The following MST1R variants were observed in gnomAD, a reference collection of about 807,000 sequenced individuals.
MST1R encodes macrophage-stimulating protein receptor.
In MST1R, 99 loss-of-function variants were observed where a neutral mutation model predicts 117.8. That is an observed-to-expected ratio of 0.84 (90% confidence interval 0.71 to 0.99). The LOEUF is 0.99. Among genes scored for constraint, MST1R ranks in the 50% least tolerant of loss-of-function variants. MST1R has a pLI of 0.00. For synonymous variants in MST1R, 734 were observed against 765.3 expected (o/e 0.96, Z 0.68); for missense variants, 1,683 against 1,840.2 (o/e 0.91, Z 1.56).
chr3:49,895,338 A>C lies in MST1R; in HGVS notation c.3100T>G (p.Cys1034Gly). The change falls in exon 14 of 20, where the codon TGT becomes GGT. Residue 1034 changes from cysteine (C) to glycine (G), a missense_variant. Coordinates refer to ENST00000296474, the MANE Select transcript of MST1R (RefSeq NM_002447.4). Reference protein sequence around the residue: ...PAIDGLDSTTCVHGASFSDSE... With the variant: ...PAIDGLDSTTGVHGASFSDSE... ...TCGGAGAAGGATGCTCCATGGACAC[A>C]AGTGGTGGAATCCAGACCATCAATG... 1 of 1,614,226 alleles carries C rather than the reference A, an allele frequency of 6.2e-7. No homozygotes were observed. Among genetic ancestry groups the C allele is most frequent in the Non-Finnish European group, 8.5e-7 (1 of 1,180,044 alleles).
chr3:49,897,233 C>T, intron 7 of MST1R, 47 bp downstream of exon 7: 1 of 1,554,400 alleles, frequency 6.4e-7, no homozygotes, highest in South Asian at 1.2e-5. Context: ...CGGGTCCCCA[C>T]CTGGATAGAA....
At position 49,902,983 on chromosome 3, in the gene MST1R, G is replaced by A. The variant is rs757026972; in HGVS notation, c.627C>T (p.Ala209=). Residue 209 remains alanine (A), a synonymous_variant, in exon 1 of 20, where the codon GCC becomes GCT. Transcript: ENST00000296474. ...TAGACACTGAGCGTGGGCTGAAGCT[G>A]GCAGCCACGGCTGCGTCCAGTGAGG... is the stretch of plus-strand genomic sequence containing the variant. ...VASSLDAAVA[A]SFSPRSVSIR... 3.1e-6 allele frequency: 5 copies of A among 1,613,168 alleles called. No individual in the cohort carries two copies. In the South Asian group the frequency reaches 3.3e-5, roughly 11 times the overall value.
Position 49,898,550 on chromosome 3 carries a change from G to A in MST1R, c.1687C>T (p.Gln563Ter). 1 of 1,613,960 alleles carries A rather than the reference G, an allele frequency of 6.2e-7. No individual in the cohort carries two copies. Among genetic ancestry groups the A allele is most frequent in the Non-Finnish European group, 8.5e-7 (1 of 1,180,036 alleles). ...AGCTTAGGTGGGCAGTGGTCCTGTTGCCAGGAGCCAGGACACTCCTTCTGC... is the reference window on the plus strand; with the variant it reads ...AGCTTAGGTGGGCAGTGGTCCTGTTACCAGGAGCCAGGACACTCCTTCTGC... Reference protein sequence around the residue: ...GQQKECPGSWQQDHCPPKLTE... With the variant: ...GQQKECPGSW The change falls in exon 4 of 20, where the codon CAA becomes TAA. Residue 563 changes from glutamine to a stop codon, truncating the protein, a stop_gained. Transcript: ENST00000296474. LOFTEE classifies it high-confidence loss of function.
intron 5 of MST1R, 95 bp downstream of exon 5, chr3:49,897,956 C>T (rs1269840470): frequency 3.2e-6 from 5 of 1,560,480 alleles, no homozygotes; most frequent in East Asian, 2.3e-5. Flanking sequence ...CCCCCATCCC[C>T]CCTTGCCTCT....
chr3:49,896,787 TC>T lies in MST1R; in HGVS notation c.2286del (p.Trp762Ter). 1 of 1,568,426 alleles carries T rather than the reference TC, an allele frequency of 6.4e-7. No individual in the cohort carries two copies. The highest frequency in any genetic ancestry group is 8.7e-7 in the Non-Finnish European group (1 of 1,155,438). On this transcript the variant is annotated frameshift_variant, in exon 8 of 20. Coordinates refer to ENST00000296474, the MANE Select transcript of MST1R (RefSeq NM_002447.4). LOFTEE classifies it high-confidence loss of function. ...ACAGGGTCTTCTCTGTACTGGAAGGTCCAGGAACCAGGTACCTGGGCACCCC... is the reference window on the plus strand; with the variant it reads ...ACAGGGTCTTCTCTGTACTGGAAGGTCAGGAACCAGGTACCTGGGCACCCC... ...QVGGAQVPGSWTFQYREDPVV... is the reference protein window; with the variant it reads ...QVGGAQVPGSXTFQYREDPVV...
chr3:49,896,996 A>T, intron 7 of MST1R, 106 bp from the exon 8 acceptor site: 1 of 1,306,090 alleles, frequency 7.7e-7, no homozygotes. Context: ...TATCTCTCCC[A>T]CCTGCCCCAC....
In MST1R at chr3:49,891,577, A is replaced by C; in HGVS notation, c.3356T>G (p.Ile1119Ser). The change falls in exon 16 of 20, where the codon ATC (isoleucine) becomes AGC (serine). Residue 1119 changes from isoleucine (I) to serine (S), a missense_variant. Coordinates refer to ENST00000296474, the MANE Select transcript of MST1R (RefSeq NM_002447.4). Reference sequence around the variant, plus strand: ...GGCCTCCACCTGCTGCATCTCTGTGATGCCTGCAGAGCAGCGCAAGTCAGG... The same window carrying C: ...GGCCTCCACCTGCTGCATCTCTGTGCTGCCTGCAGAGCAGCGCAAGTCAGG... ...IQCAIKSLSRITEMQQVEAFL... is the reference protein window; with the variant it reads ...IQCAIKSLSRSTEMQQVEAFL... The C allele has an allele frequency of 6.2e-7, 1 of 1,613,806 alleles. No individual in the cohort carries two copies. The highest frequency in any genetic ancestry group is 8.5e-7 in the Non-Finnish European group (1 of 1,179,974).
chr3:49,897,513 G>A lies in MST1R; in HGVS notation c.2046+7C>T. 1.2e-6 allele frequency: 2 copies of A among 1,612,816 alleles called. No individual in the cohort carries two copies. Among genetic ancestry groups the A allele is most frequent in the Non-Finnish European group, 1.7e-6 (2 of 1,179,308 alleles). On this transcript the variant is annotated splice_region_variant and intron_variant, in intron 6 of 19. Coordinates refer to ENST00000296474, the MANE Select transcript of MST1R (RefSeq NM_002447.4). ...CCAAGGGCACAGACAGGGCAAGGTA[G>A]CCTCACCATGAAAGAGAAGCCTCTC...
rs778646754 is a variant in MST1R, at chr3:49,898,095, GCCC to G, written c.1833_1835del (p.Gly612del). On this transcript the variant is annotated inframe_deletion, in exon 5 of 20. Transcript: ENST00000296474. ...TGGGCAGTGGCCGGCAGGGACTTTG[GCCC>G]ACAGTGACCTGATGGGTTCCCTCAG... 1 of 1,614,074 alleles carries G rather than the reference GCCC, an allele frequency of 6.2e-7. No individual in the cohort carries two copies. Among genetic ancestry groups the G allele is most frequent in the South Asian group, 1.1e-5 (1 of 91,080 alleles).
At position 49,890,589 on chromosome 3, in the gene MST1R, T is replaced by C. The variant is rs755004403; in HGVS notation, c.3706A>G (p.Arg1236Gly). 2.5e-6 allele frequency: 4 copies of C among 1,614,108 alleles called. No individual in the cohort carries two copies. In the East Asian group the frequency reaches 6.7e-5, roughly 27 times the overall value. ...DFGLARDILDREYYSVQQHRH... is the reference protein window; with the variant it reads ...DFGLARDILDGEYYSVQQHRH... ...TGCTGTTGAACACTATAGTACTCCC[T>C]GTCCAGGATGTCGCGGGCCAAACCA... is the stretch of plus-strand genomic sequence containing the variant. Residue 1236 changes from arginine (R) to glycine (G), a missense_variant, in exon 18 of 20, where the codon AGG becomes GGG. Physicochemically the swap from Arg to Gly is moderately radical, Grantham distance 125. Transcript: ENST00000296474.
chr3:49,887,255 G>A lies in MST1R; in HGVS notation c.*52C>T. ...CCCTCTGGCCTGGCATGGCCCAGAGGCAGCTTGGGGTTAGCTCAAGGCAGC... is the reference window on the plus strand; with the variant it reads ...CCCTCTGGCCTGGCATGGCCCAGAGACAGCTTGGGGTTAGCTCAAGGCAGC... On this transcript the variant is annotated 3_prime_UTR_variant, in exon 20 of 20. Transcript: ENST00000296474. 6.3e-7 allele frequency: 1 copy of A among 1,599,454 alleles called. No individual in the cohort carries two copies. Among genetic ancestry groups the A allele is most frequent in the Non-Finnish European group, 8.5e-7 (1 of 1,172,076 alleles).
intron 19 of MST1R, among the ~76,000 whole-genome samples, chr3:49,888,034 C>T (rs1432327216): frequency 6.6e-6 from 1 of 152,238 alleles, no homozygotes; most frequent in Non-Finnish European, 1.5e-5. Context: ...TGGCTCATGC[C>T]TGTAATCCCA....
In MST1R at chr3:49,898,462, C is replaced by G. The variant is rs903290600; in HGVS notation, c.1719+56G>C. ...AATTGTGATCAAGACTTGCTGACCA[C>G]CACCCCAGGCCCAGCCTGTCCCACT... On this transcript the variant is annotated intron_variant, in intron 4 of 19. Transcript: ENST00000296474. 1.1e-5 allele frequency: 18 copies of G among 1,579,886 alleles called. No individual in the cohort carries two copies. The Admixed American group carries it at 2.8e-4, about 25-fold the overall frequency.
In MST1R at chr3:49,887,420, C is replaced by G; in HGVS notation, c.4090G>C (p.Gly1364Arg). 1 of 1,614,204 alleles carries G rather than the reference C, an allele frequency of 6.2e-7. No individual in the cohort carries two copies. The highest frequency in any genetic ancestry group is 8.5e-7 in the Non-Finnish European group (1 of 1,180,034). ...VQLPATYMNL[G>R]PSTSHEMNVR... ...TTCATCTCATGCGAGGTGCTGGGGC[C>G]CAAGTTCATGTAGGTTGCTGGCAGC... Residue 1364 changes from glycine (G) to arginine (R), a missense_variant, in exon 20 of 20, where the codon GGC (glycine) becomes CGC (arginine). By Grantham distance (125) the Gly-to-Arg change is moderately radical. Transcript: ENST00000296474.
chr3:49,895,946 A>C lies in MST1R; in HGVS notation c.2796+15T>G. 1 of 1,567,338 alleles carries C rather than the reference A, an allele frequency of 6.4e-7. No individual in the cohort carries two copies. The highest frequency in any genetic ancestry group is 1.2e-5 in the South Asian group (1 of 82,262). ...CTGCCCGTGTTTCCCAGGGAGGTCC[A>C]GCTGGGCTGCCTACCTGCAATGGGG... On this transcript the variant is annotated intron_variant, in intron 11 of 19. Transcript: ENST00000296474.
rs2082308368 is a variant in MST1R, at chr3:49,891,320, T to C, written c.3535-14A>G. On this transcript the variant is annotated splice_polypyrimidine_tract_variant and intron_variant, in intron 16 of 19. Transcript: ENST00000296474. Reference sequence around the variant, plus strand: ...CACGGTGGGGTTCTGGGGGCACAGGTGGGTTGGTGGGCAAGGGCACAGCAG... The same window carrying C: ...CACGGTGGGGTTCTGGGGGCACAGGCGGGTTGGTGGGCAAGGGCACAGCAG... 6.2e-7 allele frequency: 1 copy of C among 1,614,008 alleles called. No individual in the cohort carries two copies. The highest frequency in any genetic ancestry group is 1.3e-5 in the African/African-American group (1 of 75,012).
At position 49,897,394 on chromosome 3, in the gene MST1R, T is replaced by A; in HGVS notation, c.2069A>T (p.Gln690Leu). ...TCCTGCCCGTGGGCCAAAGAGGGGT[T>A]GCACTGCTATCAGCACTGGCTCCTA... is the stretch of plus-strand genomic sequence containing the variant. ...SFMEPVLIAV[Q>L]PLFGPRAGGT... is the part of the protein sequence containing the mutation. Residue 690 changes from glutamine to leucine, a missense_variant, in exon 7 of 20, where the codon CAA becomes CTA. By Grantham distance (113) the Gln-to-Leu change is moderately radical. Transcript: ENST00000296474. 6.2e-7 allele frequency: 1 copy of A among 1,613,752 alleles called. No homozygotes were observed.
In MST1R at chr3:49,890,587, CCT is replaced by C. The variant is rs2082284548; in HGVS notation, c.3706_3707del (p.Arg1236GlyfsTer4). 2 of 1,614,082 alleles carry C rather than the reference CCT, an allele frequency of 1.2e-6. No homozygotes were observed. Among genetic ancestry groups the C allele is most frequent in the African/African-American group, 2.7e-5 (2 of 75,056 alleles). On this transcript the variant is annotated frameshift_variant, in exon 18 of 20. Coordinates refer to ENST00000296474, the MANE Select transcript of MST1R (RefSeq NM_002447.4). LOFTEE classifies it high-confidence loss of function. ...GATGCTGTTGAACACTATAGTACTC[CCT>C]GTCCAGGATGTCGCGGGCCAAACCA... ...DFGLARDILD[R>X]EYYSVQQHRH...
chr3:49,888,517 A>C (rs2082227333), intron 19 of MST1R, among the ~76,000 whole-genome samples: 2 of 150,222 alleles, frequency 1.3e-5, no homozygotes. Context: ...TAGGAGAATC[A>C]CTTGAACCTG....
Sources: gnomAD v4.1 joint callset for allele counts (sites outside exome capture counted in the v4.1 genomes callset) on GRCh38, gnomAD v4.1.1 for gene constraint, MANE v1.5 for transcripts, NCBI Gene and HGNC (gene_info 2026-07-23, HGNC 2026-07-21) for gene names.